The following ENTPD5 variants were observed in gnomAD, a reference collection of about 807,000 sequenced individuals.
The protein encoded by ENTPD5 is ectonucleoside triphosphate diphosphohydrolase 5 (inactive), also known as nucleoside diphosphate phosphatase ENTPD5.
Under a neutral mutation model 60.2 loss-of-function variants are expected in ENTPD5, and 49 were observed. The observed-to-expected ratio is 0.81, with a 90% confidence interval of 0.65 to 1.03. ENTPD5 has a LOEUF of 1.03. Ranked by LOEUF, ENTPD5 falls within the 50% of genes least tolerant of loss-of-function variation. The pLI is 0.00. For missense variants in ENTPD5, 480 were observed against 507.6 expected (o/e 0.95, Z 0.52); for synonymous variants, 187 against 185.4 (o/e 1.01, Z -0.07).
intron 3 of ENTPD5, among the ~76,000 whole-genome samples, chr14:74,000,042 C>T (rs1334626770): frequency 1.4e-5 from 2 of 147,194 alleles, no homozygotes; most frequent in Non-Finnish European, 3.0e-5. Flanking sequence ...TAGCCGAGGT[C>T]GCGTCACTGC....
chr14:73,991,146 A>G lies in ENTPD5; in HGVS notation c.-70-2974T>C, dbSNP rs1249834067. On this transcript the variant is annotated intron_variant, in intron 3 of 15. Coordinates refer to ENST00000334696, the MANE Select transcript of ENTPD5 (RefSeq NM_001249.5). ...CCCTCTTTTTTTCTGGATGGACATTAAATGAGAAACCAACAAAAACAATTA... is the reference window on the plus strand; with the variant it reads ...CCCTCTTTTTTTCTGGATGGACATTGAATGAGAAACCAACAAAAACAATTA... Among the ~76,000 whole-genome samples, 4 of 152,324 alleles carry G rather than the reference A, an allele frequency of 2.6e-5. No homozygotes were observed. In the East Asian group the frequency reaches 7.7e-4, roughly 29 times the overall value.
chr14:73,977,778 C>A (rs1462942440), intron 6 of ENTPD5, among the ~76,000 whole-genome samples: 1 of 152,152 alleles, frequency 6.6e-6, no homozygotes, highest in Non-Finnish European at 1.5e-5. Context: ...CTGACATGAA[C>A]CTGCTGTGGT....
intron 4 of ENTPD5, 67 bp downstream of exon 4, chr14:73,987,819 T>C: frequency 2.1e-6 from 3 of 1,441,850 alleles, no homozygotes; most frequent in Non-Finnish European, 2.9e-6. Context: ...CTCAGCATAT[T>C]TGTTTCTGGG....
chr14:73,986,069 CAAAA>C (rs534512335), intron 5 of ENTPD5, among the ~76,000 whole-genome samples: 7 of 79,276 alleles, frequency 8.8e-5, no homozygotes, highest in Non-Finnish European at 5.4e-5. Flanking sequence ...GATACTCCGT[CAAAA>C]AAAAAAAAAA....
rs370444009 is a variant in ENTPD5 at position 74,005,868 on chromosome 14, CTT to C, written c.-71+5221_-71+5222del. On this transcript the variant is annotated intron_variant, in intron 3 of 15. Transcript: ENST00000334696. ...AAAATGAACAACAATGCTGACTTGA[CTT>C]TTAACTTCCATCTTCTGTTATAGTC... is the stretch of plus-strand genomic sequence containing the variant. 1.6e-3 allele frequency among the ~76,000 whole-genome samples: 251 copies of C among 152,210 alleles called. 2 individuals carry two copies. The highest frequency in any genetic ancestry group is 5.7e-3 in the African/African-American group (238 of 41,530).
At chr14:73,989,229 G>A (rs372844177) in intron 3 of ENTPD5, among the ~76,000 whole-genome samples, 1 of 152,040 alleles carries the variant, frequency 6.6e-6, no homozygotes, top group Non-Finnish European at 1.5e-5. Flanking sequence ...AGGAGTTCAC[G>A]ACCAGCTTTG....
intron 3 of ENTPD5, chr14:74,003,283 G>A (rs2058566182): frequency 2.5e-6 from 1 of 395,816 alleles, no homozygotes; most frequent in Non-Finnish European, 4.8e-6. Context: ...GTTTACTGGT[G>A]TAACCCAAGA....
chr14:73,962,892 A>G, downstream of ENTPD5: 1 of 1,197,590 alleles, frequency 8.4e-7, no homozygotes, highest in South Asian at 1.2e-5. Context: ...AAGAATACCT[A>G]CGTGATTATT....
intron 3 of ENTPD5, among the ~76,000 whole-genome samples, chr14:74,003,788 GAAAAAGAA>G (rs1297552095): frequency 6.6e-6 from 1 of 150,632 alleles, no homozygotes; most frequent in South Asian, 2.1e-4. Context: ...CAAAAAAAAA[GAAAAAGAA>G]AAAAAGAAAA....
At chr14:73,969,985 G>T in intron 15 of ENTPD5, 25 bp downstream of exon 15, 1 of 1,517,578 alleles carries the variant, frequency 6.6e-7, no homozygotes, top group Non-Finnish European at 9.2e-7. Context: ...GGGCTGTTAT[G>T]AGACTCTGGT....
chr14:73,982,228 C>T (rs1479804655), intron 6 of ENTPD5, among the ~76,000 whole-genome samples: 1 of 152,070 alleles, frequency 6.6e-6, no homozygotes, highest in African/African-American at 2.4e-5. Flanking sequence ...GCGTGCGCCA[C>T]AATGCCCAGC....
chr14:74,017,578 CAAAA>C (rs1188373135), intron 1 of ENTPD5, among the ~76,000 whole-genome samples: 3 of 93,420 alleles, frequency 3.2e-5, no homozygotes, highest in African/African-American at 1.2e-4. Context: ...AACTCTGTCT[CAAAA>C]AAAAAAAAAA....
At chr14:73,977,443 A>G in intron 6 of ENTPD5, 69 bp from the exon 7 acceptor site, 1 of 1,219,168 alleles carries the variant, frequency 8.2e-7, no homozygotes, top group Non-Finnish European at 1.2e-6. Flanking sequence ...ATATTTTGAC[A>G]GTGTCCTGTA....
downstream of ENTPD5, chr14:73,959,105 A>G (rs1212007943): frequency 6.2e-7 from 1 of 1,613,844 alleles, no homozygotes; most frequent in Non-Finnish European, 8.5e-7. Context: ...CCATCTGGGG[A>G]CTTTATTCAT....
chr14:73,990,658 A>T (rs1289195288), intron 3 of ENTPD5, among the ~76,000 whole-genome samples: 3 of 151,828 alleles, frequency 2.0e-5, no homozygotes, highest in Admixed American at 6.6e-5. Flanking sequence ...ATAATTTTTT[A>T]AATGTATAGG....
At chr14:73,959,437 T>G, downstream of ENTPD5, 1 of 1,614,222 alleles carries the variant, frequency 6.2e-7, no homozygotes, top group Non-Finnish European at 8.5e-7. Flanking sequence ...TTGAGTTCCT[T>G]GGTTTGGTCC....
chr14:73,958,233 C>G, downstream of ENTPD5: 9 of 1,613,994 alleles, frequency 5.6e-6, no homozygotes, highest in Non-Finnish European at 6.8e-6. Context: ...CCCTTGGGTT[C>G]ATATTACCCT....
chr14:73,995,809 A>G (rs979447904), intron 3 of ENTPD5, among the ~76,000 whole-genome samples: 1 of 152,054 alleles, frequency 6.6e-6, no homozygotes, highest in African/African-American at 2.4e-5. Flanking sequence ...ACGTCAGTAC[A>G]TTTAAATCTA....
chr14:73,958,900 G>A (rs2056571731), downstream of ENTPD5: 3 of 1,593,490 alleles, frequency 1.9e-6, no homozygotes, highest in Middle Eastern at 2.2e-4. Context: ...AAACTTTAGG[G>A]AGCAGAGAAA....
Sources: gnomAD v4.1 joint callset for allele counts (sites outside exome capture counted in the v4.1 genomes callset) on GRCh38, gnomAD v4.1.1 for gene constraint, MANE v1.5 for transcripts, NCBI Gene and HGNC (gene_info 2026-07-23, HGNC 2026-07-21) for gene names.